The following GRIK1 variants were observed in gnomAD, a reference collection of about 807,000 sequenced individuals.
GRIK1 encodes the protein glutamate ionotropic receptor kainate type subunit 1.
In GRIK1, 69 loss-of-function variants were observed where a neutral mutation model predicts 105.7. That is an observed-to-expected ratio of 0.65 (90% confidence interval 0.54 to 0.80). The LOEUF is 0.80. Ranked by LOEUF, GRIK1 falls within the 30% of genes least tolerant of loss-of-function variation. GRIK1 has a pLI of 0.00. For synonymous variants in GRIK1, 438 were observed against 431.3 expected (o/e 1.02, Z -0.19); for missense variants, 1,109 against 1,167.3 (o/e 0.95, Z 0.73).
At chr21:29,905,087 G>A (rs552601712) in intron 1 of GRIK1, among the ~76,000 whole-genome samples, 1 of 152,288 alleles carries the variant, frequency 6.6e-6, no homozygotes, top group African/African-American at 2.4e-5. Context: ...GGGTCAGAGT[G>A]CCATTATTTA....
At chr21:29,647,045 C>A (rs965148849) in intron 6 of GRIK1, among the ~76,000 whole-genome samples, 1 of 152,112 alleles carries the variant, frequency 6.6e-6, no homozygotes, top group African/African-American at 2.4e-5. Flanking sequence ...AAAGTTTCAC[C>A]ATGTTGGCCA....
At chr21:29,656,503 CTT>C (rs1568940487) in intron 4 of GRIK1, among the ~76,000 whole-genome samples, 1 of 150,744 alleles carries the variant, frequency 6.6e-6, no homozygotes, top group Non-Finnish European at 1.5e-5. Flanking sequence ...ATCAAAGACT[CTT>C]AGACACCATC....
intron 1 of GRIK1, among the ~76,000 whole-genome samples, chr21:29,921,303 T>G (rs1000328501): frequency 6.6e-6 from 1 of 152,194 alleles, no homozygotes; most frequent in African/African-American, 2.4e-5. Context: ...AGGGTGCTGT[T>G]GAAATACTAG....
chr21:29,577,159 A>G lies in GRIK1; in HGVS notation c.1935T>C (p.Ala645=). 1 of 1,605,908 alleles carries G rather than the reference A, an allele frequency of 6.2e-7. No homozygotes were observed. Among genetic ancestry groups the G allele is most frequent in the Non-Finnish European group, 8.5e-7 (1 of 1,172,552 alleles). Residue 645 remains alanine (A), a synonymous_variant, in exon 14 of 18, where the codon GCT becomes GCC. Coordinates refer to ENST00000327783, the MANE Select transcript of GRIK1 (RefSeq NM_001330994.2). ...TCCCTCCAACTATTCTGGTCGATAG[A>G]GCTTTGGGCATCAGCTCTGATCCTG... is the stretch of plus-strand genomic sequence containing the variant. ...MQQGSELMPK[A]LSTRIVGGIW...
At position 29,901,833 on chromosome 21, in the gene GRIK1, G is replaced by A. The variant is rs148701688; in HGVS notation, c.118+37550C>T. ...CATTCTGATACCAAAGCCTGGCAGA[G>A]ACACAAGAAAAAAAAGGAGAATTTT... On this transcript the variant is annotated intron_variant, in intron 1 of 17. Coordinates refer to ENST00000327783, the MANE Select transcript of GRIK1 (RefSeq NM_001330994.2). Among the ~76,000 whole-genome samples the A allele has an allele frequency of 2.6e-3, 402 of 152,098 alleles. 1 individual carries two copies. The highest frequency in any genetic ancestry group is 8.7e-3 in the African/African-American group (359 of 41,476).
chr21:29,706,887 C>T (rs992833999), intron 1 of GRIK1, among the ~76,000 whole-genome samples: 2 of 151,692 alleles, frequency 1.3e-5, no homozygotes, highest in Admixed American at 6.6e-5. Flanking sequence ...TTTTTTGAGG[C>T]GGAGTCTCGC....
chr21:29,768,481 T>A (rs2065730736), intron 1 of GRIK1, among the ~76,000 whole-genome samples: 1 of 152,306 alleles, frequency 6.6e-6, no homozygotes, highest in Non-Finnish European at 1.5e-5. Context: ...GGTGCTTGAT[T>A]CTGCAGGGAC....
chr21:29,907,429 CAA>C lies in GRIK1; in HGVS notation c.118+31952_118+31953del, dbSNP rs2070682970. Among the ~76,000 whole-genome samples, 5 of 152,116 alleles carry C rather than the reference CAA, an allele frequency of 3.3e-5. No homozygotes were observed. The South Asian group carries it at 1.0e-3, about 32-fold the overall frequency. On this transcript the variant is annotated intron_variant, in intron 1 of 17. Transcript: ENST00000327783. ...ATAATAATTAGATGCTTAATATATT[CAA>C]AGAGGTGACAGACGTGTCCCCCGAA... is the stretch of plus-strand genomic sequence containing the variant.
chr21:29,577,294 A>G (rs936321362), intron 13 of GRIK1, 113 bp from the exon 14 acceptor site: 45 of 609,936 alleles, frequency 7.4e-5, no homozygotes, highest in Non-Finnish European at 1.3e-4. Flanking sequence ...ACCGTCTTGT[A>G]GGTAGATGAA....
In GRIK1 at chr21:29,581,474, A is replaced by G. The variant is rs370254978; in HGVS notation, c.1863T>C (p.Phe621=). The G allele has an allele frequency of 1.5e-5, 24 of 1,613,094 alleles. No homozygotes were observed. Among genetic ancestry groups the G allele is most frequent in the Non-Finnish European group, 2.0e-5 (24 of 1,179,334 alleles). ...NPDSDVVENN[F]TLLNSFWFGV... ...CAAACCAGAAACTATTTAGTAAAGT[A>G]AAATTGTTTTCCACCACGTCTGAGT... Residue 621 remains phenylalanine, a synonymous_variant, in exon 13 of 18, where the codon TTT becomes TTC. Transcript: ENST00000327783.
chr21:29,732,806 T>G (rs1455075797), intron 1 of GRIK1, among the ~76,000 whole-genome samples: 2 of 152,196 alleles, frequency 1.3e-5, no homozygotes, highest in African/African-American at 2.4e-5. Context: ...TCCGTGAGAT[T>G]AATATATTCC....
rs1276431825 is a variant in GRIK1 at position 29,555,309 on chromosome 21, G to A, written c.2357-7C>T. 1 of 1,610,874 alleles carries A rather than the reference G, an allele frequency of 6.2e-7. No homozygotes were observed. Among genetic ancestry groups the A allele is most frequent in the Non-Finnish European group, 8.5e-7 (1 of 1,178,482 alleles). On this transcript the variant is annotated splice_region_variant and splice_polypyrimidine_tract_variant and intron_variant, in intron 15 of 17. Transcript: ENST00000327783. ...TTATCCCGGTAAGGAGAACCTGGAA[G>A]TAAAACCATCTGGATATTGGTCACC...
intron 4 of GRIK1, among the ~76,000 whole-genome samples, chr21:29,661,087 C>A (rs898248866): frequency 1.3e-5 from 2 of 152,154 alleles, no homozygotes; most frequent in Admixed American, 6.5e-5. Context: ...ATCAGTAGAA[C>A]AAGATGGATA....
At chr21:29,867,461 G>C (rs984176106) in intron 1 of GRIK1, among the ~76,000 whole-genome samples, 2 of 152,038 alleles carry the variant, frequency 1.3e-5, no homozygotes, top group Non-Finnish European at 2.9e-5. Context: ...CTAGAAAAGT[G>C]AATCTGTAGC....
chr21:29,757,095 C>T (rs1479258897), intron 1 of GRIK1, among the ~76,000 whole-genome samples: 1 of 151,562 alleles, frequency 6.6e-6, no homozygotes, highest in Non-Finnish European at 1.5e-5. Flanking sequence ...CCAGCCTGGG[C>T]AACAAGATTG....
intron 1 of GRIK1, among the ~76,000 whole-genome samples, chr21:29,711,034 A>G (rs2064037195): frequency 6.6e-6 from 1 of 151,976 alleles, no homozygotes; most frequent in Non-Finnish European, 1.5e-5. Flanking sequence ...ATTTACTCAT[A>G]TTTAATATTT....
chr21:29,668,674 G>A (rs550719242), intron 4 of GRIK1, among the ~76,000 whole-genome samples: 1 of 152,302 alleles, frequency 6.6e-6, no homozygotes, highest in African/African-American at 2.4e-5. Context: ...AAATGAGATG[G>A]TTGCTTAGCA....
intron 14 of GRIK1, among the ~76,000 whole-genome samples, chr21:29,568,788 T>C (rs1461622577): frequency 6.6e-6 from 1 of 152,258 alleles, no homozygotes; most frequent in Non-Finnish European, 1.5e-5. Flanking sequence ...CTTGTCTCTG[T>C]ATTGCTATTC....
chr21:29,905,750 C>T (rs899264190), intron 1 of GRIK1, among the ~76,000 whole-genome samples: 3 of 144,714 alleles, frequency 2.1e-5, no homozygotes, highest in African/African-American at 7.9e-5. Flanking sequence ...CCTCAGCCTC[C>T]GAAGTAGCTG....
Sources: gnomAD v4.1 joint callset for allele counts (sites outside exome capture counted in the v4.1 genomes callset) on GRCh38, gnomAD v4.1.1 for gene constraint, MANE v1.5 for transcripts, NCBI Gene and HGNC (gene_info 2026-07-23, HGNC 2026-07-21) for gene names.